Variants in PLAAT3 observed in about 807,000 individuals in gnomAD.
PLAAT3 encodes phospholipase A and acyltransferase 3, also known as Ca-independent phospholipase A1/2.
In PLAAT3, 21 loss-of-function variants were observed where a neutral mutation model predicts 16.7. The ratio of observed to expected loss-of-function variants is 1.26; its 90% CI spans 0.89 to 1.81. The LOEUF (loss-of-function observed/expected upper bound fraction) is 1.81. Ranked by LOEUF, PLAAT3 falls within the 40% of genes most tolerant of loss-of-function variation. The probability of loss-of-function intolerance (pLI) is 0.00; values close to 1 mark genes in which losing one functional copy is unlikely to be tolerated. For synonymous variants in PLAAT3, 76 were observed against 81.7 expected (o/e 0.93, Z 0.38); for missense variants, 219 against 213.7 (o/e 1.02, Z -0.16).
chr11:63,590,960 T>G (rs572327170), intron 3 of PLAAT3, among the ~76,000 whole-genome samples: 1 of 151,648 alleles, frequency 6.6e-6, no homozygotes. Context: ...AGACAAGGAG[T>G]CCAGGTTCAA....
intron 3 of PLAAT3, among the ~76,000 whole-genome samples, 161 bp downstream of exon 3, chr11:63,597,900 C>A (rs1353105608): frequency 6.6e-6 from 1 of 152,188 alleles, no homozygotes; most frequent in African/African-American, 2.4e-5. Flanking sequence ...AACCAGTGCC[C>A]CACACCAAAC....
intron 3 of PLAAT3, among the ~76,000 whole-genome samples, chr11:63,596,704 A>G (rs1025394310): frequency 2.3e-4 from 35 of 151,986 alleles, no homozygotes; most frequent in African/African-American, 8.4e-4. Context: ...CCCATGTGTC[A>G]GGGGAGGGAC....
intron 4 of PLAAT3, among the ~76,000 whole-genome samples, chr11:63,583,104 T>A (rs1417291014): frequency 6.6e-6 from 1 of 152,064 alleles, no homozygotes; most frequent in African/African-American, 2.4e-5. Flanking sequence ...CACTCCAGCC[T>A]GGGTGACAGA....
intron 2 of PLAAT3, among the ~76,000 whole-genome samples, chr11:63,610,576 A>G (rs777562479): frequency 3.9e-5 from 6 of 152,164 alleles, no homozygotes; most frequent in East Asian, 3.9e-4. Flanking sequence ...TGAAGCCCCA[A>G]CTGCTATTTA....
At position 63,585,029 on chromosome 11, in the gene PLAAT3, C is replaced by CT. The variant is rs1240361862; in HGVS notation, c.387+5070dup. Among the ~76,000 whole-genome samples, 1,141 of 139,592 alleles carry CT rather than the reference C, an allele frequency of 8.2e-3. 3 individuals carry two copies. The highest frequency in any genetic ancestry group is 0.019 in the Middle Eastern group (5 of 260). The allele number at this position is 139,592 out of a possible 152,430, so 91.6% of individuals were successfully genotyped here. ...GCAAGATGGGGCATGCATCGAAGTTCTTTTTTTTTTTTTTTGAGATGGAGT... is the reference window on the plus strand; with the variant it reads ...GCAAGATGGGGCATGCATCGAAGTTCTTTTTTTTTTTTTTTTGAGATGGAGT... On this transcript the variant is annotated intron_variant, in intron 4 of 4. Coordinates refer to ENST00000415826, the MANE Select transcript of PLAAT3 (RefSeq NM_001128203.2).
intron 4 of PLAAT3, among the ~76,000 whole-genome samples, chr11:63,589,012 TAAAA>T (rs1397992691): frequency 6.9e-6 from 1 of 145,204 alleles, no homozygotes; most frequent in South Asian, 2.2e-4. Context: ...GAGGATAATT[TAAAA>T]AAAAAAAATG....
chr11:63,579,373 G>A (rs1256609866), intron 4 of PLAAT3, among the ~76,000 whole-genome samples: 2 of 152,136 alleles, frequency 1.3e-5, no homozygotes, highest in East Asian at 1.9e-4. Flanking sequence ...CCATTACTGG[G>A]TATATACCCA....
intron 4 of PLAAT3, among the ~76,000 whole-genome samples, chr11:63,578,335 A>G (rs1411749292): frequency 6.6e-6 from 1 of 152,086 alleles, no homozygotes; most frequent in Non-Finnish European, 1.5e-5. Context: ...ATCTTAATGG[A>G]TAAAAGTAGA....
chr11:63,612,621 A>G (rs892473986), intron 2 of PLAAT3, among the ~76,000 whole-genome samples: 7 of 152,230 alleles, frequency 4.6e-5, no homozygotes, highest in African/African-American at 1.7e-4. Flanking sequence ...AATGTCATGG[A>G]CAACTTTTCA....
intron 3 of PLAAT3, 104 bp from the exon 4 acceptor site, chr11:63,590,472 G>T: frequency 1.0e-6 from 1 of 964,988 alleles, no homozygotes; most frequent in Non-Finnish European, 1.6e-6. Flanking sequence ...CATCCACAAA[G>T]GATAAGCAAC....
At chr11:63,576,425 ACAAAC>A (rs1376150948) in intron 4 of PLAAT3, among the ~76,000 whole-genome samples, 2 of 152,190 alleles carry the variant, frequency 1.3e-5, no homozygotes, top group African/African-American at 4.8e-5. Flanking sequence ...GGAGTTCCAG[ACAAAC>A]CCAGCCAACA....
intron 3 of PLAAT3, 40 bp from the exon 4 acceptor site, chr11:63,590,408 G>T: frequency 6.3e-7 from 1 of 1,596,498 alleles, no homozygotes; most frequent in Non-Finnish European, 8.6e-7. Flanking sequence ...ATTGGTCCTG[G>T]GAAGGGCCAC....
intron 4 of PLAAT3, among the ~76,000 whole-genome samples, chr11:63,587,557 CTTT>C (rs202174219): frequency 1.5e-5 from 2 of 136,722 alleles, no homozygotes; most frequent in Admixed American, 7.4e-5. Context: ...TTTCTTGGGT[CTTT>C]TTTTTTTTTT....
Position 63,589,409 on chromosome 11 carries a change from C to CAAA in PLAAT3, c.387+688_387+690dup, listed in dbSNP as rs748851566. On this transcript the variant is annotated intron_variant, in intron 4 of 4. Transcript: ENST00000415826. ...CTTCCCAATGTTCTTTTCACCTATG[C>CAAA]AAAGAAAAAAAAAAAAAAAAAGATG... 4.5e-3 allele frequency among the ~76,000 whole-genome samples: 135 copies of CAAA among 30,280 alleles called. 12 individuals carry two copies. Among genetic ancestry groups the CAAA allele is most frequent in the Middle Eastern group, 0.014 (1 of 70 alleles). 19.9% of individuals were successfully genotyped at this position (30,280 alleles called of 152,430 possible).
chr11:63,606,311 C>G (rs553932850), intron 2 of PLAAT3, among the ~76,000 whole-genome samples: 1 of 152,060 alleles, frequency 6.6e-6, no homozygotes, highest in Non-Finnish European at 1.5e-5. Context: ...AGTAGGCCGG[C>G]GCGGTGGCTC....
At chr11:63,592,888 T>C (rs774343793) in intron 3 of PLAAT3, among the ~76,000 whole-genome samples, 3 of 152,196 alleles carry the variant, frequency 2.0e-5, no homozygotes, top group Non-Finnish European at 4.4e-5. Flanking sequence ...CAGCAGAAGG[T>C]CAGTCCTCCT....
chr11:63,582,249 AAACT>A (rs1937838508), intron 4 of PLAAT3, among the ~76,000 whole-genome samples: 1 of 152,178 alleles, frequency 6.6e-6, no homozygotes, highest in South Asian at 2.1e-4. Context: ...AAGAAACAGA[AAACT>A]AAGAGATCAT....
chr11:63,615,164 A>G (rs1213660000), upstream of PLAAT3, among the ~76,000 whole-genome samples: 3 of 34,558 alleles, frequency 8.7e-5, no homozygotes, highest in African/African-American at 2.1e-4. Flanking sequence ...ATATGTGTAT[A>G]TATGTGTGTA....
intron 2 of PLAAT3, among the ~76,000 whole-genome samples, chr11:63,610,878 CAG>C (rs761112454): frequency 2.0e-5 from 3 of 152,090 alleles, no homozygotes; most frequent in Non-Finnish European, 2.9e-5. Flanking sequence ...ATTTGGAACA[CAG>C]AGAGGAGAGA....
Sources: allele counts gnomAD v4.1 joint callset (sites outside exome capture counted in the v4.1 genomes callset), GRCh38; gene constraint gnomAD v4.1.1; transcripts MANE v1.5; gene names NCBI Gene and HGNC (gene_info 2026-07-23, HGNC 2026-07-21).